Variants in NUP188 observed in about 807,000 individuals in gnomAD.
NUP188 encodes the protein nucleoporin NUP188.
NUP188 carries 97 observed loss-of-function variants against 223.0 expected under a neutral mutation model. The ratio of observed to expected loss-of-function variants is 0.43; its 90% CI spans 0.37 to 0.51. NUP188 has a LOEUF of 0.51. Ranked by LOEUF, NUP188 falls within the 20% of genes least tolerant of loss-of-function variation. The pLI, the probability that NUP188 is intolerant of heterozygous loss-of-function variation, is 0.00. For missense variants in NUP188, 1,947 were observed against 2,175.6 expected (o/e 0.89, Z 2.09); for synonymous variants, 869 against 828.0 (o/e 1.05, Z -0.85).
intron 23 of NUP188, 47 bp downstream of exon 23, chr9:128,987,764 G>A: frequency 1.3e-6 from 2 of 1,592,510 alleles, no homozygotes; most frequent in Non-Finnish European, 1.7e-6. Context: ...TATTGTGCCT[G>A]CATGTTACTA....
chr9:128,953,718 C>T (rs949144911), intron 3 of NUP188, among the ~76,000 whole-genome samples: 2 of 152,104 alleles, frequency 1.3e-5, no homozygotes, highest in African/African-American at 2.4e-5. Context: ...ATCATTGTTT[C>T]CATTTTACCA....
chr9:128,956,071 C>T (rs1007166861), intron 3 of NUP188, among the ~76,000 whole-genome samples: 1 of 151,786 alleles, frequency 6.6e-6, no homozygotes, highest in Non-Finnish European at 1.5e-5. Context: ...AATAATGTAA[C>T]TTAATGTGTT....
intron 1 of NUP188, 97 bp downstream of exon 1, chr9:128,947,848 T>C (rs1432642558): frequency 6.7e-6 from 8 of 1,192,504 alleles, no homozygotes; most frequent in Admixed American, 3.6e-5. Context: ...GTGGCGACAG[T>C]GGCAGGGCCA....
At chr9:128,977,044 A>G (rs904298401) in intron 12 of NUP188, among the ~76,000 whole-genome samples, 1 of 151,766 alleles carries the variant, frequency 6.6e-6, no homozygotes, top group South Asian at 2.1e-4. Context: ...CTGCACTCCA[A>G]CCTGGGAGAC....
intron 24 of NUP188, among the ~76,000 whole-genome samples, chr9:128,988,886 C>T (rs891637503): frequency 5.9e-5 from 9 of 151,548 alleles, no homozygotes; most frequent in African/African-American, 1.7e-4. Flanking sequence ...GTCCCACGCC[C>T]GGCTAATTTT....
At position 129,004,870 on chromosome 9, in the gene NUP188, G is replaced by C. The variant is rs1842749442; in HGVS notation, c.4435-277G>C. On this transcript the variant is annotated intron_variant, in intron 38 of 43. Transcript: ENST00000372577. Reference sequence around the variant, plus strand: ...AGCTGGGTCTCAGGGAGACAGTCCAGTCCTGAGCCCTGCTGGCCCAAGTTT... The same window carrying C: ...AGCTGGGTCTCAGGGAGACAGTCCACTCCTGAGCCCTGCTGGCCCAAGTTT... 2.3e-5 allele frequency: 12 copies of C among 526,300 alleles called. No homozygotes were observed. The South Asian group carries it at 2.6e-4, about 11-fold the overall frequency. The allele number at this position is 526,300 out of a possible 1,614,324, so 32.6% of individuals were successfully genotyped here.
At position 128,955,752 on chromosome 9, in the gene NUP188, C is replaced by T. The variant is rs28365525; in HGVS notation, c.162-598C>T. On this transcript the variant is annotated intron_variant, in intron 3 of 43. Transcript: ENST00000372577. ...CAAGATTTTCTTGTATTTTCCTTGC[C>T]CTGACTCTAGAATCAACCAATTCTC... 7.6e-4 allele frequency among the ~76,000 whole-genome samples: 116 copies of T among 151,732 alleles called. No homozygotes were observed. In the East Asian group the frequency reaches 0.022, roughly 28 times the overall value.
Position 128,983,134 on chromosome 9 carries a change from A to G in NUP188, c.1796+106A>G, listed in dbSNP as rs139071352. 659 of 1,501,822 alleles carry G rather than the reference A, an allele frequency of 4.4e-4. 1 individual carries two copies. The highest frequency in any genetic ancestry group is 1.4e-3 in the South Asian group (117 of 84,836). The allele number at this position is 1,501,822 out of a possible 1,614,324, so 93.0% of individuals were successfully genotyped here. A position where few individuals can be genotyped will look rare whatever the true frequency, so the allele number is the denominator to read the frequency against. ...ATACCCACTGGGTTAAAGTTCGCGC[A>G]TATTCCTTGGTTTTCCTGTTTTTAT... is the stretch of plus-strand genomic sequence containing the variant. On this transcript the variant is annotated intron_variant, in intron 17 of 43. Coordinates refer to ENST00000372577, the MANE Select transcript of NUP188 (RefSeq NM_015354.3).
At position 129,006,558 on chromosome 9, in the gene NUP188, T is replaced by G. The variant is rs768189863; in HGVS notation, c.5130T>G (p.Pro1710=). The change falls in exon 44 of 44, where the codon CCT becomes CCG. Residue 1710 remains proline (P), a synonymous_variant. Transcript: ENST00000372577. ...TCCGCCGGGGAGCCCCCAGCTCCCC[T>G]GCCACTGGTGTCCTCCCCTCGCCGC... ...RYFRRGAPSS[P]ATGVLPSPQG... 2 of 1,614,206 alleles carry G rather than the reference T, an allele frequency of 1.2e-6. No individual in the cohort carries two copies. Among genetic ancestry groups the G allele is most frequent in the Non-Finnish European group, 1.7e-6 (2 of 1,180,018 alleles).
chr9:128,995,347 A>G lies in NUP188; in HGVS notation c.3184A>G (p.Thr1062Ala), dbSNP rs111370103. The part of the protein sequence containing the change: ...KGSLDQSLKD[T>A]LKKFSIEKRF... Reference sequence around the variant, plus strand: ...TTCATTAGACCAGTCATTAAAGGATACACTGAAGAAATTTTCCATCGAGAA... The same window carrying G: ...TTCATTAGACCAGTCATTAAAGGATGCACTGAAGAAATTTTCCATCGAGAA... The change falls in exon 30 of 44, where the codon ACA becomes GCA. Residue 1062 changes from threonine (T) to alanine (A), a missense_variant. Thr to Ala is a moderately conservative substitution (Grantham distance 58). This residue lies in a region of NUP188 where 905 missense variants were observed against 990.6 expected (regional missense o/e 0.91). Transcript: ENST00000372577. The G allele has an allele frequency of 5.5e-5, 88 of 1,613,974 alleles. No homozygotes were observed. The highest frequency in any genetic ancestry group is 7.2e-5 in the Non-Finnish European group (85 of 1,179,920).
chr9:129,003,213 G>C, intron 37 of NUP188, 104 bp from the exon 38 acceptor site: 1 of 1,391,906 alleles, frequency 7.2e-7, no homozygotes, highest in Non-Finnish European at 9.8e-7. Context: ...TGCCAACTCA[G>C]CATTTGGGGG....
intron 29 of NUP188, 168 bp from the exon 30 acceptor site, chr9:128,995,151 G>A: frequency 1.6e-6 from 1 of 639,862 alleles, no homozygotes; most frequent in Non-Finnish European, 2.8e-6. Context: ...TTTTATGGAG[G>A]AGGAATCCTG....
chr9:128,951,698 A>G (rs1230805223), intron 2 of NUP188, among the ~76,000 whole-genome samples: 3 of 152,144 alleles, frequency 2.0e-5, no homozygotes, highest in African/African-American at 7.2e-5. Context: ...AGGTTACAGA[A>G]TTCTGTATTC....
At chr9:128,963,056 G>A (rs1841977564) in intron 8 of NUP188, among the ~76,000 whole-genome samples, 1 of 152,064 alleles carries the variant, frequency 6.6e-6, no homozygotes, top group Non-Finnish European at 1.5e-5. Flanking sequence ...TCATATACTA[G>A]TACTTCATTC....
chr9:129,002,194 G>A (rs1026589903), intron 36 of NUP188, among the ~76,000 whole-genome samples: 6 of 152,258 alleles, frequency 3.9e-5, no homozygotes, highest in Non-Finnish European at 8.8e-5. Flanking sequence ...TGGGAGATGG[G>A]ATGGATTCTT....
chr9:128,972,999 C>G (rs1477981009), intron 11 of NUP188, among the ~76,000 whole-genome samples, 161 bp from the exon 12 acceptor site: 1 of 152,058 alleles, frequency 6.6e-6, no homozygotes, highest in African/African-American at 2.4e-5. Context: ...CTCTTTTCTC[C>G]CTTGGTCTTC....
Position 129,006,906 on chromosome 9 carries a change from C to A in NUP188, c.*228C>A, listed in dbSNP as rs1842823630. Reference sequence around the variant, plus strand: ...AGTCTTCTGTGCTCAGGTCCTCACGCTGCAGACGCCCCCTAGAGGAACTTT... The same window carrying A: ...AGTCTTCTGTGCTCAGGTCCTCACGATGCAGACGCCCCCTAGAGGAACTTT... On this transcript the variant is annotated 3_prime_UTR_variant, in exon 44 of 44. Coordinates refer to ENST00000372577, the MANE Select transcript of NUP188 (RefSeq NM_015354.3). The A allele has an allele frequency of 2.3e-6, 1 of 431,170 alleles. No homozygotes were observed. Among genetic ancestry groups the A allele is most frequent in the Non-Finnish European group, 4.1e-6 (1 of 244,444 alleles). The allele number at this position is 431,170 out of a possible 1,614,324, so 26.7% of individuals were successfully genotyped here.
At chr9:128,991,903 C>T (rs1262418337) in intron 25 of NUP188, among the ~76,000 whole-genome samples, 4 of 135,136 alleles carry the variant, frequency 3.0e-5, no homozygotes. Context: ...TACTGTTTTT[C>T]TTTCTTTTTT....
intron 9 of NUP188, 108 bp from the exon 10 acceptor site, chr9:128,969,292 C>G: frequency 3.0e-6 from 2 of 673,004 alleles, no homozygotes. Flanking sequence ...AGCCACTATG[C>G]CTGGCCCAAT....
Sources: gnomAD v4.1 joint callset for allele counts (sites outside exome capture counted in the v4.1 genomes callset) on GRCh38, gnomAD v4.1.1 for gene constraint, gnomAD v4.1.1 regional missense constraint, MANE v1.5 for transcripts, NCBI Gene and HGNC (gene_info 2026-07-23, HGNC 2026-07-21) for gene names.